Variants in DIAPH3 observed in about 807,000 individuals in gnomAD.
DIAPH3 encodes protein diaphanous homolog 3.
In DIAPH3, 117 loss-of-function variants were observed where a neutral mutation model predicts 144.3. The ratio of observed to expected loss-of-function variants is 0.81; its 90% confidence interval spans 0.70 to 0.95. The LOEUF (loss-of-function observed/expected upper bound fraction) is 0.95. Ranked by LOEUF, DIAPH3 falls within the 40% of genes least tolerant of loss-of-function variation. DIAPH3 has a pLI of 0.00. For synonymous variants in DIAPH3, 519 were observed against 488.9 expected (o/e 1.06, Z -0.81); for missense variants, 1,421 against 1,412.7 (o/e 1.01, Z -0.09).
intron 17 of DIAPH3, among the ~76,000 whole-genome samples, chr13:59,958,668 G>A (rs982050668): frequency 6.6e-6 from 1 of 151,646 alleles, no homozygotes; most frequent in Non-Finnish European, 1.5e-5. Context: ...ATTGTAAACT[G>A]CAAAATATAT....
chr13:59,677,338 C>T (rs2032698897), intron 27 of DIAPH3, among the ~76,000 whole-genome samples: 2 of 151,382 alleles, frequency 1.3e-5, no homozygotes, highest in African/African-American at 2.4e-5. Flanking sequence ...TAGAACGGTA[C>T]TGTCCAATAG....
intron 25 of DIAPH3, among the ~76,000 whole-genome samples, chr13:59,799,333 C>G (rs749954688): frequency 6.0e-5 from 9 of 149,950 alleles, no homozygotes; most frequent in Non-Finnish European, 1.3e-4. Flanking sequence ...AAGGGAATTT[C>G]AAACACAAAT....
At chr13:59,820,285 A>G (rs1344988422) in intron 24 of DIAPH3, among the ~76,000 whole-genome samples, 1 of 151,976 alleles carries the variant, frequency 6.6e-6, no homozygotes, top group Non-Finnish European at 1.5e-5. Flanking sequence ...AAATGGTTGC[A>G]TCCAATACAA....
intron 2 of DIAPH3, among the ~76,000 whole-genome samples, chr13:60,119,469 C>T (rs961144770): frequency 6.6e-6 from 1 of 152,078 alleles, no homozygotes; most frequent in African/African-American, 2.4e-5. Context: ...AAATCTTGGC[C>T]GGGCGCGGTG....
At chr13:60,139,615 A>G (rs1407305191) in intron 1 of DIAPH3, among the ~76,000 whole-genome samples, 1 of 152,142 alleles carries the variant, frequency 6.6e-6, no homozygotes, top group East Asian at 1.9e-4. Flanking sequence ...AGGTTTAAGG[A>G]GGCAACATAC....
At chr13:59,676,640 C>A (rs1326676252) in intron 27 of DIAPH3, among the ~76,000 whole-genome samples, 1 of 152,064 alleles carries the variant, frequency 6.6e-6, no homozygotes, top group Non-Finnish European at 1.5e-5. Flanking sequence ...AATGAACATG[C>A]AAAACAATAT....
chr13:59,797,767 C>CA (rs1173974825), intron 25 of DIAPH3, among the ~76,000 whole-genome samples: 3 of 152,092 alleles, frequency 2.0e-5, no homozygotes, highest in African/African-American at 7.2e-5. Context: ...CCCCATGCCT[C>CA]AGATTCTCCA....
At chr13:59,890,389 C>G (rs1292866441) in intron 20 of DIAPH3, among the ~76,000 whole-genome samples, 1 of 152,064 alleles carries the variant, frequency 6.6e-6, no homozygotes, top group Non-Finnish European at 1.5e-5. Flanking sequence ...AGTTTCTGTT[C>G]TCTCAAGAAC....
At chr13:59,972,813 A>G (rs1472387052) in intron 15 of DIAPH3, among the ~76,000 whole-genome samples, 1 of 152,194 alleles carries the variant, frequency 6.6e-6, no homozygotes, top group Non-Finnish European at 1.5e-5. Flanking sequence ...TATCTTGCTC[A>G]TCACTATGTC....
chr13:59,914,813 T>C (rs1566509170), intron 19 of DIAPH3, among the ~76,000 whole-genome samples: 2 of 152,184 alleles, frequency 1.3e-5, no homozygotes, highest in African/African-American at 2.4e-5. Context: ...TGCCAATACT[T>C]TGATGTTAGC....
chr13:59,708,034 AACT>A (rs2034525556), intron 27 of DIAPH3, among the ~76,000 whole-genome samples: 1 of 151,416 alleles, frequency 6.6e-6, no homozygotes, highest in African/African-American at 2.4e-5. Flanking sequence ...TTCCTCTTCA[AACT>A]ACTAATTCAT....
At chr13:59,763,081 A>T (rs910747013) in intron 27 of DIAPH3, among the ~76,000 whole-genome samples, 3 of 152,144 alleles carry the variant, frequency 2.0e-5, no homozygotes. Context: ...ACAGCAAAAA[A>T]TAGACAAAAC....
intron 17 of DIAPH3, among the ~76,000 whole-genome samples, chr13:59,926,726 T>G (rs1457987562): frequency 2.0e-5 from 3 of 152,188 alleles, no homozygotes; most frequent in Admixed American, 6.5e-5. Flanking sequence ...TACAAGTTGT[T>G]GAGACTTGTT....
chr13:60,136,843 G>A (rs1410178231), intron 1 of DIAPH3, among the ~76,000 whole-genome samples: 1 of 152,104 alleles, frequency 6.6e-6, no homozygotes, highest in Non-Finnish European at 1.5e-5. Context: ...GGGAGGCTGA[G>A]ACAGGAGAAT....
chr13:60,131,435 CAAA>C (rs777909368), intron 2 of DIAPH3, among the ~76,000 whole-genome samples: 11 of 29,296 alleles, frequency 3.8e-4, no homozygotes, highest in African/African-American at 9.2e-4. Context: ...GACCCTGTCT[CAAA>C]AAAAAAAAAA....
intron 27 of DIAPH3, among the ~76,000 whole-genome samples, chr13:59,694,897 G>C (rs1007052428): frequency 6.6e-6 from 1 of 152,092 alleles, no homozygotes; most frequent in African/African-American, 2.4e-5. Context: ...CAACCACCTG[G>C]AGAACAAAAT....
intron 27 of DIAPH3, among the ~76,000 whole-genome samples, chr13:59,748,455 A>G (rs971129597): frequency 2.6e-5 from 4 of 152,262 alleles, no homozygotes; most frequent in African/African-American, 9.6e-5. Flanking sequence ...ACCTGTGCTC[A>G]GAACCCTATG....
intron 4 of DIAPH3, among the ~76,000 whole-genome samples, chr13:60,055,732 G>T (rs2056529694): frequency 6.6e-6 from 1 of 151,718 alleles, no homozygotes; most frequent in South Asian, 2.1e-4. Context: ...ATGAAAGAAA[G>T]AAATGAAAAA....
intron 22 of DIAPH3, among the ~76,000 whole-genome samples, chr13:59,852,448 T>A (rs1053889141): frequency 1.3e-5 from 2 of 152,176 alleles, no homozygotes; most frequent in African/African-American, 4.8e-5. Context: ...AGTTGAAGAG[T>A]TGCTGGAGAC....
Sources: gnomAD v4.1 joint callset for allele counts (sites outside exome capture counted in the v4.1 genomes callset) on GRCh38, gnomAD v4.1.1 for gene constraint, MANE v1.5 for transcripts, NCBI Gene and HGNC (gene_info 2026-07-23, HGNC 2026-07-21) for gene names.